Variants in EXOC4 observed in about 807,000 individuals in gnomAD.
EXOC4 encodes the protein SEC8-like 1.
Under a neutral mutation model 107.2 loss-of-function variants are expected in EXOC4, and 71 were observed. The observed-to-expected ratio is 0.66, with a 90% confidence interval of 0.55 to 0.81. The LOEUF is 0.81. Ranked by LOEUF, EXOC4 falls within the 30% of genes least tolerant of loss-of-function variation. The pLI is 0.00. For missense variants in EXOC4, 1,108 were observed against 1,189.6 expected, an observed-to-expected ratio of 0.93 and a Z score of 1.01; for synonymous variants, 456 against 441.2, an observed-to-expected ratio of 1.03 and a Z score of -0.42.
At chr7:133,911,772 C>T (rs1252710464) in intron 12 of EXOC4, among the ~76,000 whole-genome samples, 1 of 152,158 alleles carries the variant, frequency 6.6e-6, no homozygotes, top group East Asian at 1.9e-4. Context: ...TATGGGCCAG[C>T]ATGGATGCGC....
chr7:133,580,996 T>C (rs551090318), intron 9 of EXOC4, among the ~76,000 whole-genome samples: 1 of 152,308 alleles, frequency 6.6e-6, no homozygotes, highest in South Asian at 2.1e-4. Flanking sequence ...TCCTTCCGAG[T>C]GCTGTATAAG....
chr7:133,255,903 G>T (rs907642027), intron 1 of EXOC4, among the ~76,000 whole-genome samples: 12 of 152,042 alleles, frequency 7.9e-5, no homozygotes, highest in Non-Finnish European at 1.6e-4. Context: ...GCTGTCACTT[G>T]GAAGTTGCTT....
At chr7:133,775,933 C>T (rs1340674565) in intron 10 of EXOC4, among the ~76,000 whole-genome samples, 1 of 152,152 alleles carries the variant, frequency 6.6e-6, no homozygotes, top group Non-Finnish European at 1.5e-5. Context: ...AAGGAAACCA[C>T]ATCATCAGTT....
At chr7:133,902,817 T>C (rs1230587148) in intron 12 of EXOC4, among the ~76,000 whole-genome samples, 1 of 150,974 alleles carries the variant, frequency 6.6e-6, no homozygotes, top group African/African-American at 2.4e-5. Context: ...ATTGCGCCAC[T>C]GCACTCCAGC....
At chr7:133,255,245 C>T (rs970464965) in intron 1 of EXOC4, among the ~76,000 whole-genome samples, 12 of 151,788 alleles carry the variant, frequency 7.9e-5, no homozygotes, top group South Asian at 2.1e-4. Context: ...GGCGCGATCT[C>T]GGCTCACTGC....
intron 16 of EXOC4, 51 bp downstream of exon 16, chr7:134,005,141 GT>G (rs776070710): frequency 6.5e-7 from 1 of 1,549,798 alleles, no homozygotes. Context: ...AAGGATGAAA[GT>G]TTTCCTGATT....
intron 17 of EXOC4, among the ~76,000 whole-genome samples, chr7:134,018,048 T>G (rs558691758): frequency 6.6e-6 from 1 of 152,330 alleles, no homozygotes; most frequent in African/African-American, 2.4e-5. Flanking sequence ...GTCCAGAATC[T>G]GTCATCGAAT....
intron 9 of EXOC4, among the ~76,000 whole-genome samples, chr7:133,594,605 T>G (rs1227655481): frequency 3.4e-5 from 5 of 146,922 alleles, no homozygotes; most frequent in Admixed American, 2.2e-4. Flanking sequence ...GCGATTCTCC[T>G]GCCTCAGCCT....
chr7:133,298,249 C>T (rs1012505304), intron 3 of EXOC4, among the ~76,000 whole-genome samples: 1 of 152,094 alleles, frequency 6.6e-6, no homozygotes, highest in Non-Finnish European at 1.5e-5. Context: ...TAATAGTTCA[C>T]GTTAGTAAAG....
chr7:134,084,163 G>A, the EXOC4 span, among the ~76,000 whole-genome samples: 2 of 152,192 alleles, frequency 1.3e-5, no homozygotes, highest in Non-Finnish European at 2.9e-5. Flanking sequence ...AGGGTGTGGA[G>A]TTTCTACTGA....
At chr7:133,289,685 G>A (rs1160019526) in intron 3 of EXOC4, among the ~76,000 whole-genome samples, 1 of 152,264 alleles carries the variant, frequency 6.6e-6, no homozygotes, top group East Asian at 1.9e-4. Context: ...GGATGCAATT[G>A]GTGGTTCATG....
At chr7:133,594,668 A>G (rs563807951) in intron 9 of EXOC4, among the ~76,000 whole-genome samples, 1 of 151,504 alleles carries the variant, frequency 6.6e-6, no homozygotes, top group Admixed American at 6.6e-5. Flanking sequence ...TAATTTTTGT[A>G]TTTTTAGTAG....
chr7:133,593,749 A>G (rs964246102), intron 9 of EXOC4, among the ~76,000 whole-genome samples: 1 of 152,212 alleles, frequency 6.6e-6, no homozygotes, highest in Non-Finnish European at 1.5e-5. Context: ...GAGTGTTTCT[A>G]TAATAGATGA....
intron 5 of EXOC4, among the ~76,000 whole-genome samples, chr7:133,331,534 G>A (rs1045074279): frequency 5.7e-4 from 77 of 136,260 alleles, no homozygotes; most frequent in Non-Finnish European, 8.9e-4. Context: ...GCGCAATCTC[G>A]GCTCACTGCA....
intron 7 of EXOC4, among the ~76,000 whole-genome samples, chr7:133,468,326 TTTTCC>T (rs778492183): frequency 6.7e-5 from 10 of 150,108 alleles, no homozygotes; most frequent in African/African-American, 2.0e-4. Flanking sequence ...AATGAAGAAT[TTTTCC>T]TTTCCTTTCC....
rs562171786 is a variant in EXOC4 at position 133,568,263 on chromosome 7, A to G, written c.1418-61782A>G. 2.0e-5 allele frequency among the ~76,000 whole-genome samples: 3 copies of G among 151,422 alleles called. No individual in the cohort carries two copies. In the South Asian group the frequency reaches 6.2e-4, roughly 32 times the overall value. ...TAGGATTTTTTTTTTTAATCTGGGA[A>G]TACAGCAATTTGAGATATGAGCTTC... On this transcript the variant is annotated intron_variant, in intron 9 of 17. Transcript: ENST00000253861.
intron 11 of EXOC4, among the ~76,000 whole-genome samples, chr7:133,861,062 A>C (rs1389059427): frequency 2.0e-5 from 3 of 152,162 alleles, no homozygotes; most frequent in African/African-American, 7.2e-5. Context: ...TAACAAAACA[A>C]CCTCATCAGC....
chr7:133,840,657 A>G (rs1798007354), intron 11 of EXOC4, among the ~76,000 whole-genome samples: 5 of 151,660 alleles, frequency 3.3e-5, no homozygotes, highest in Admixed American at 3.3e-4. Flanking sequence ...TATTTTTTGT[A>G]TTTTTAGTAG....
the EXOC4 span, among the ~76,000 whole-genome samples, chr7:134,092,019 A>C: frequency 2.0e-5 from 3 of 152,210 alleles, no homozygotes; most frequent in Non-Finnish European, 4.4e-5. Flanking sequence ...CCAAAATCCA[A>C]AACAAATCCA....
Sources: gnomAD v4.1 joint callset for allele counts (sites outside exome capture counted in the v4.1 genomes callset) on GRCh38, gnomAD v4.1.1 for gene constraint, MANE v1.5 for transcripts, NCBI Gene and HGNC (gene_info 2026-07-23, HGNC 2026-07-21) for gene names.